CACNB2: variants seen among roughly 807,000 people sequenced by gnomAD.
CACNB2 encodes calcium voltage-gated channel auxiliary subunit beta 2.
Under a neutral mutation model 73.3 loss-of-function variants are expected in CACNB2, and 42 were observed. The observed-to-expected ratio is 0.57, with a 90% CI of 0.45 to 0.74. The LOEUF (loss-of-function observed/expected upper bound fraction) is 0.74. CACNB2 is among the 30% of genes least tolerant of loss of function. The probability of loss-of-function intolerance (pLI) is 0.00; values close to 1 mark genes in which losing one functional copy is unlikely to be tolerated. For missense variants in CACNB2, 940 were observed against 853.0 expected, an observed-to-expected ratio of 1.10 and a Z score of -1.27; for synonymous variants, 348 against 310.3, an observed-to-expected ratio of 1.12 and a Z score of -1.28.
intron 2 of CACNB2, among the ~76,000 whole-genome samples, chr10:18,380,516 G>T: frequency 7.1e-6 from 1 of 139,878 alleles, no homozygotes; most frequent in Non-Finnish European, 1.5e-5. Flanking sequence ...GTGCAATGGT[G>T]CAATCTCGGT....
chr10:18,518,268 C>A (rs1410797680), intron 7 of CACNB2, 68 bp from the exon 8 acceptor site: 1 of 1,042,544 alleles, frequency 9.6e-7, no homozygotes. Flanking sequence ...AGAAAGAGTA[C>A]CTTATACACA....
At chr10:18,240,284 C>T (rs2036598119) in intron 2 of CACNB2, among the ~76,000 whole-genome samples, 1 of 152,152 alleles carries the variant, frequency 6.6e-6, no homozygotes, top group Non-Finnish European at 1.5e-5. Context: ...AAAACAATCG[C>T]AGAGTGACTC....
intron 3 of CACNB2, among the ~76,000 whole-genome samples, chr10:18,477,288 C>T (rs1469604696): frequency 3.9e-5 from 6 of 152,080 alleles, no homozygotes; most frequent in East Asian, 3.9e-4. Context: ...GGGATTTGGC[C>T]GGCTTCTTTA....
intron 2 of CACNB2, among the ~76,000 whole-genome samples, chr10:18,339,817 G>A (rs1564449515): frequency 6.6e-6 from 1 of 152,066 alleles, no homozygotes; most frequent in Non-Finnish European, 1.5e-5. Flanking sequence ...TTTTTCCCCA[G>A]TAATTTAAAA....
intron 3 of CACNB2, among the ~76,000 whole-genome samples, chr10:18,412,762 T>C (rs11815316): frequency 0.044 from 6,675 of 152,274 alleles, 370 homozygotes; most frequent in South Asian, 0.12. Context: ...TTCAACCAAA[T>C]GCTCAGGCCT....
chr10:18,488,552 G>A (rs1316552625), intron 3 of CACNB2, among the ~76,000 whole-genome samples: 2 of 148,566 alleles, frequency 1.3e-5, no homozygotes, highest in African/African-American at 5.0e-5. Context: ...AGTTTTTTAA[G>A]TGCATCTTTG....
Position 18,542,301 on chromosome 10 carries a change from A to T in CACNB2, c.*2577A>T, listed in dbSNP as rs1165596886. On this transcript the variant is annotated 3_prime_UTR_variant, in exon 14 of 14. Transcript: ENST00000324631. ...ACTGTTTACATAAATTTATTTACTG[A>T]GTATAAAATCAGTAGTCATAATAAA... is the stretch of plus-strand genomic sequence containing the variant. 6.6e-6 allele frequency: 1 copy of T among 152,248 alleles called. No homozygotes were observed. Among genetic ancestry groups the T allele is most frequent in the African/African-American group, 2.4e-5 (1 of 41,464 alleles). 9.4% of individuals were successfully genotyped at this position (152,248 alleles called of 1,614,324 possible).
intron 2 of CACNB2, among the ~76,000 whole-genome samples, chr10:18,294,933 T>A (rs1159135708): frequency 6.6e-6 from 1 of 152,250 alleles, no homozygotes; most frequent in Non-Finnish European, 1.5e-5. Context: ...CACCAGTGCC[T>A]GCCAATGAAG....
intron 2 of CACNB2, among the ~76,000 whole-genome samples, chr10:18,396,212 C>T (rs1353719698): frequency 6.6e-6 from 1 of 152,104 alleles, no homozygotes; most frequent in East Asian, 1.9e-4. Flanking sequence ...CTGCCTCTGC[C>T]TCCCAAAGTG....
Position 18,517,977 on chromosome 10 carries a change from G to A in CACNB2, c.805-359G>A, listed in dbSNP as rs371696965. Among the ~76,000 whole-genome samples, 12 of 152,268 alleles carry A rather than the reference G, an allele frequency of 7.9e-5. No homozygotes were observed. In the East Asian group the frequency reaches 2.3e-3, roughly 29 times the overall value. ...CTCTTTAGAAAATTCAAATGCAGCC[G>A]AAAAGCAATATTAACTTCTAGTCAA... On this transcript the variant is annotated intron_variant, in intron 7 of 13. Transcript: ENST00000324631.
chr10:18,339,515 C>T (rs1325487305), intron 2 of CACNB2, among the ~76,000 whole-genome samples: 1 of 152,000 alleles, frequency 6.6e-6, no homozygotes, highest in Non-Finnish European at 1.5e-5. Context: ...AGCAAGACTC[C>T]ATCTCTAAAT....
At chr10:18,232,928 G>A (rs1236981876) in intron 2 of CACNB2, among the ~76,000 whole-genome samples, 1 of 151,994 alleles carries the variant, frequency 6.6e-6, no homozygotes, top group Non-Finnish European at 1.5e-5. Flanking sequence ...TCTACAAAAA[G>A]TACAAAAAAT....
intron 2 of CACNB2, among the ~76,000 whole-genome samples, chr10:18,319,613 A>T (rs1008590258): frequency 6.6e-6 from 1 of 152,146 alleles, no homozygotes; most frequent in Non-Finnish European, 1.5e-5. Flanking sequence ...TTAATATTTT[A>T]AAAAATAATA....
At chr10:18,282,482 A>G (rs11013317) in intron 2 of CACNB2, among the ~76,000 whole-genome samples, 63,598 of 152,114 alleles carry the variant, frequency 0.42, 15,536 homozygotes, top group East Asian at 0.85. Flanking sequence ...GGGTTTTACC[A>G]GTAGTCATTT....
At chr10:18,505,345 A>C (rs1289390594) in intron 5 of CACNB2, among the ~76,000 whole-genome samples, 2 of 152,074 alleles carry the variant, frequency 1.3e-5, no homozygotes, top group East Asian at 1.9e-4. Context: ...ACTTGTCATT[A>C]ATTTCACATA....
intron 3 of CACNB2, among the ~76,000 whole-genome samples, chr10:18,477,676 G>A (rs912593569): frequency 1.3e-5 from 2 of 152,182 alleles, no homozygotes; most frequent in African/African-American, 4.8e-5. Flanking sequence ...AGAGTGGGCT[G>A]CAGAGGGAAG....
At chr10:18,370,182 C>T (rs960955563) in intron 2 of CACNB2, among the ~76,000 whole-genome samples, 3 of 152,228 alleles carry the variant, frequency 2.0e-5, no homozygotes, top group Non-Finnish European at 4.4e-5. Context: ...ATTTAAATAG[C>T]CACACTTGTG....
chr10:18,249,850 C>T (rs921947306), intron 2 of CACNB2, among the ~76,000 whole-genome samples: 5 of 152,150 alleles, frequency 3.3e-5, no homozygotes, highest in African/African-American at 9.7e-5. Context: ...GTCCTACAGA[C>T]GTCTCAAAAT....
intron 2 of CACNB2, among the ~76,000 whole-genome samples, chr10:18,342,878 A>T (rs2041290333): frequency 6.6e-6 from 1 of 152,072 alleles, no homozygotes. Flanking sequence ...GTATTATGGG[A>T]TAGTTGTTTA....
Sources: gnomAD v4.1 joint callset for allele counts (sites outside exome capture counted in the v4.1 genomes callset) on GRCh38, gnomAD v4.1.1 for gene constraint, MANE v1.5 for transcripts, NCBI Gene and HGNC (gene_info 2026-07-23, HGNC 2026-07-21) for gene names.